The following CDK17 variants were observed in gnomAD, a reference collection of about 807,000 sequenced individuals.
The protein encoded by CDK17 is cyclin dependent kinase 17.
A neutral mutation model predicts 77.6 loss-of-function variants in CDK17; 24 were observed. The observed-to-expected ratio is 0.31, with a 90% CI of 0.22 to 0.44. The LOEUF (loss-of-function observed/expected upper bound fraction) is 0.44, where lower values mean the gene tolerates loss of function less well. Among genes scored for constraint, CDK17 ranks in the 20% least tolerant of loss-of-function variants. The pLI is 1.00. For missense variants in CDK17, 429 were observed against 622.5 expected (o/e 0.69, Z 3.31); for synonymous variants, 203 against 210.4 (o/e 0.96, Z 0.30).
rs147061747 is a variant in CDK17, at chr12:96,390,043, T to C, written c.-30+9943A>G. ...CGGGGTTTCACCATGTGGGCCAGGA[T>C]GGTCTTGATATCCTGACCTCATAAT... is the stretch of plus-strand genomic sequence containing the variant. On this transcript the variant is annotated intron_variant, in intron 1 of 16. Coordinates refer to ENST00000261211, the MANE Select transcript of CDK17 (RefSeq NM_002595.5). 2.1e-3 allele frequency among the ~76,000 whole-genome samples: 314 copies of C among 152,178 alleles called. 1 individual carries two copies. The highest frequency in any genetic ancestry group is 7.0e-3 in the African/African-American group (292 of 41,500).
At chr12:96,370,799 T>C (rs1397084098) in intron 1 of CDK17, among the ~76,000 whole-genome samples, 1 of 152,172 alleles carries the variant, frequency 6.6e-6, no homozygotes, top group Admixed American at 6.5e-5. Flanking sequence ...TTTTTGAAAA[T>C]AGTTTTTTTA....
At chr12:96,342,535 C>T (rs1953137205) in intron 1 of CDK17, among the ~76,000 whole-genome samples, 1 of 151,958 alleles carries the variant, frequency 6.6e-6, no homozygotes, top group Non-Finnish European at 1.5e-5. Flanking sequence ...GCACTCCAGC[C>T]CAGGTGACAG....
At chr12:96,313,103 C>A (rs374404427) in intron 4 of CDK17, among the ~76,000 whole-genome samples, 1 of 151,972 alleles carries the variant, frequency 6.6e-6, no homozygotes, top group South Asian at 2.1e-4. Context: ...TCACAGAATG[C>A]GAACAACTAT....
chr12:96,356,105 T>G (rs1167233663), intron 1 of CDK17, among the ~76,000 whole-genome samples: 2 of 152,238 alleles, frequency 1.3e-5, no homozygotes, highest in Non-Finnish European at 2.9e-5. Flanking sequence ...ATATTAACTC[T>G]GTTAATATTA....
At chr12:96,328,104 G>A (rs1476119710) in intron 2 of CDK17, among the ~76,000 whole-genome samples, 1 of 152,080 alleles carries the variant, frequency 6.6e-6, no homozygotes, top group Admixed American at 6.6e-5. Flanking sequence ...CCTCCTGTCA[G>A]ATCAGTGGTG....
At chr12:96,327,143 G>A (rs892508918) in intron 2 of CDK17, among the ~76,000 whole-genome samples, 6 of 152,144 alleles carry the variant, frequency 3.9e-5, no homozygotes, top group African/African-American at 1.2e-4. Context: ...CTTTATTCCA[G>A]TATCTGTTTC....
chr12:96,347,833 A>G (rs1953246832), intron 1 of CDK17, among the ~76,000 whole-genome samples: 1 of 152,236 alleles, frequency 6.6e-6, no homozygotes, highest in South Asian at 2.1e-4. Context: ...TTAAAAAACT[A>G]AAATCATAAA....
At chr12:96,361,698 C>T (rs1001868842) in intron 1 of CDK17, among the ~76,000 whole-genome samples, 1 of 152,072 alleles carries the variant, frequency 6.6e-6, no homozygotes, top group Non-Finnish European at 1.5e-5. Flanking sequence ...CTTCTGTCCT[C>T]TATAATAAAG....
chr12:96,349,638 T>C (rs1204469166), intron 1 of CDK17, among the ~76,000 whole-genome samples: 1 of 149,598 alleles, frequency 6.7e-6, no homozygotes, highest in Non-Finnish European at 1.5e-5. Context: ...GAAAAGGCCA[T>C]ATATAAAAAC....
chr12:96,398,789 C>T (rs548379481), intron 1 of CDK17, among the ~76,000 whole-genome samples: 2 of 152,290 alleles, frequency 1.3e-5, no homozygotes, highest in Admixed American at 6.5e-5. Flanking sequence ...TCTTCTGTAT[C>T]TTGAAAGTGA....
intron 2 of CDK17, among the ~76,000 whole-genome samples, chr12:96,326,427 C>G (rs1234575270): frequency 2.0e-5 from 3 of 152,176 alleles, no homozygotes; most frequent in Non-Finnish European, 4.4e-5. Context: ...GAGGAAAGTT[C>G]TCTCTGCTGA....
At chr12:96,345,314 A>C (rs2137161127) in intron 1 of CDK17, among the ~76,000 whole-genome samples, 1 of 152,314 alleles carries the variant, frequency 6.6e-6, no homozygotes, top group African/African-American at 2.4e-5. Context: ...TTTGTAACAG[A>C]ATGATTTATA....
Position 96,279,903 on chromosome 12 carries a change from AACAG to A in CDK17, c.*335_*338del, listed in dbSNP as rs1387408836. On this transcript the variant is annotated 3_prime_UTR_variant, in exon 17 of 17. Coordinates refer to ENST00000261211, the MANE Select transcript of CDK17 (RefSeq NM_002595.5). ...AGGCATTCAATTGTTGTGTTAAATA[AACAG>A]ACAGTAGTTATTTAGCAGCAATGAT... 1.4e-5 allele frequency: 3 copies of A among 208,894 alleles called. No homozygotes were observed. The highest frequency in any genetic ancestry group is 6.9e-5 in the African/African-American group (3 of 43,634). The allele number at this position is 208,894 out of a possible 1,614,324, so 12.9% of individuals were successfully genotyped here. A position where few individuals can be genotyped will look rare whatever the true frequency, so the allele number is the denominator to read the frequency against.
chr12:96,280,825 G>A lies in CDK17; in HGVS notation c.1517C>T (p.Ser506Phe). 10 of 1,613,830 alleles carry A rather than the reference G, an allele frequency of 6.2e-6. No individual in the cohort carries two copies. Among genetic ancestry groups the A allele is most frequent in the Non-Finnish European group, 8.5e-6 (10 of 1,179,894 alleles). ...QLQKDPGFRNSSYPETGHGKN... is the reference protein window; with the variant it reads ...QLQKDPGFRNFSYPETGHGKN... ...AAACACACCTGTCTCTGGATAAGAA[G>A]AATTTCGAAAACCCGGGTCCTTTTG... The change falls in exon 16 of 17, where the codon TCT (serine) becomes TTT (phenylalanine). Residue 506 changes from serine to phenylalanine, a missense_variant. This residue lies in a region of CDK17 where 115 missense variants were observed against 124.2 expected (regional missense o/e 0.93). Coordinates refer to ENST00000261211, the MANE Select transcript of CDK17 (RefSeq NM_002595.5).
intron 5 of CDK17, among the ~76,000 whole-genome samples, chr12:96,307,132 C>T (rs1387192493): frequency 1.3e-5 from 2 of 152,050 alleles, no homozygotes; most frequent in African/African-American, 2.4e-5. Flanking sequence ...CCCATCTCTA[C>T]TAAAAATACA....
At chr12:96,382,432 G>A (rs575492370) in intron 1 of CDK17, among the ~76,000 whole-genome samples, 1 of 149,866 alleles carries the variant, frequency 6.7e-6, no homozygotes, top group South Asian at 2.1e-4. Flanking sequence ...TCTACCAAAC[G>A]TATAAAGAAA....
At chr12:96,288,053 G>T (rs1055817125) in intron 11 of CDK17, among the ~76,000 whole-genome samples, 7 of 151,964 alleles carry the variant, frequency 4.6e-5, no homozygotes, top group African/African-American at 7.3e-5. Flanking sequence ...TTGTTAAGTG[G>T]GTACAGAGTT....
At chr12:96,339,189 G>A (rs1953088572) in intron 1 of CDK17, among the ~76,000 whole-genome samples, 1 of 152,168 alleles carries the variant, frequency 6.6e-6, no homozygotes, top group Admixed American at 6.5e-5. Context: ...TCATATAACA[G>A]TAACATTCTG....
chr12:96,326,999 G>A (rs1249899967), intron 2 of CDK17, among the ~76,000 whole-genome samples: 2 of 152,216 alleles, frequency 1.3e-5, no homozygotes. Flanking sequence ...AAGATAGTAG[G>A]AGGTAAGGGG....
Sources: gnomAD v4.1 joint callset for allele counts (sites outside exome capture counted in the v4.1 genomes callset) on GRCh38, gnomAD v4.1.1 for gene constraint, gnomAD v4.1.1 regional missense constraint, MANE v1.5 for transcripts, NCBI Gene and HGNC (gene_info 2026-07-23, HGNC 2026-07-21) for gene names.